The following VPS37A variants were observed in gnomAD, a reference collection of about 807,000 sequenced individuals.
VPS37A encodes VPS37A subunit of ESCRT-I, also known as vacuolar protein sorting-associated protein 37A.
A neutral mutation model predicts 49.8 loss-of-function variants in VPS37A; 30 were observed. The ratio of observed to expected loss-of-function variants is 0.60; its 90% confidence interval spans 0.45 to 0.82. VPS37A has a LOEUF of 0.82. Among genes scored for constraint, VPS37A ranks in the 40% least tolerant of loss-of-function variants. VPS37A has a pLI of 0.00. For missense variants in VPS37A, 593 were observed against 464.4 expected, an observed-to-expected ratio of 1.28 and a Z score of -2.55; for synonymous variants, 195 against 160.6, an observed-to-expected ratio of 1.21 and a Z score of -1.62.
chr8:17,264,072 A>G lies in VPS37A; in HGVS notation c.126-1835A>G, dbSNP rs186326132. Among the ~76,000 whole-genome samples, 651 of 152,314 alleles carry G rather than the reference A, an allele frequency of 4.3e-3. 20 individuals are homozygous for G. Among genetic ancestry groups the G allele is most frequent in the Admixed American group, 0.04 (607 of 15,298 alleles). ...CCTGGTACTGTGTTGGGGGATTTAC[A>G]TGCATTATTTTGCGTAATCTAACAA... On this transcript the variant is annotated intron_variant, in intron 1 of 11. Transcript: ENST00000324849.
chr8:17,297,893 T>G lies in VPS37A; in HGVS notation c.*2907T>G, dbSNP rs928931749. 4.6e-5 allele frequency: 7 copies of G among 152,042 alleles called. No individual in the cohort carries two copies. Among genetic ancestry groups the G allele is most frequent in the African/African-American group, 1.2e-4 (5 of 41,442 alleles). The allele number at this position is 152,042 out of a possible 1,614,324, so 9.4% of individuals were successfully genotyped here. On this transcript the variant is annotated 3_prime_UTR_variant, in exon 12 of 12. Transcript: ENST00000324849. ...GTTACATAAATTATAATGTCTGTCT[T>G]GTAAAAAAGTTGAGGGGACTAAAAG...
At chr8:17,318,852 G>T in the VPS37A span, among the ~76,000 whole-genome samples, 9 of 152,296 alleles carry the variant, frequency 5.9e-5, no homozygotes, top group African/African-American at 2.2e-4. Context: ...AGCCCCTGCT[G>T]CAGGCCTTCA....
the VPS37A span, chr8:17,331,383 T>C: frequency 7.8e-7 from 1 of 1,279,220 alleles, no homozygotes; most frequent in Non-Finnish European, 1.1e-6. Flanking sequence ...GCATTCAGAA[T>C]GATGTACGGA....
intron 10 of VPS37A, 44 bp from the exon 11 acceptor site, chr8:17,286,303 A>G (rs1363422226): frequency 6.5e-7 from 1 of 1,527,228 alleles, no homozygotes; most frequent in South Asian, 1.2e-5. Flanking sequence ...TAGTAGGCAT[A>G]TCTTTGTAAA....
downstream of VPS37A, among the ~76,000 whole-genome samples, chr8:17,307,310 GA>G (rs1429350735): frequency 1.6e-4 from 24 of 152,318 alleles, no homozygotes; most frequent in Admixed American, 3.3e-4. Flanking sequence ...GGCCATCAGA[GA>G]AATGCAAATC....
the VPS37A span, among the ~76,000 whole-genome samples, chr8:17,328,301 C>T: frequency 1.3e-5 from 2 of 152,142 alleles, no homozygotes; most frequent in East Asian, 1.9e-4. Context: ...TTTCCACCTT[C>T]CTCTTCACCA....
At chr8:17,265,808 A>T (rs749416403) in intron 1 of VPS37A, 99 bp from the exon 2 acceptor site, 1 of 1,590,368 alleles carries the variant, frequency 6.3e-7, no homozygotes, top group Non-Finnish European at 8.6e-7. Context: ...CTGTGATTAA[A>T]AATAAAGGTA....
chr8:17,286,287 G>C, intron 10 of VPS37A, 60 bp from the exon 11 acceptor site: 1 of 1,366,868 alleles, frequency 7.3e-7, no homozygotes, highest in African/African-American at 1.5e-5. Flanking sequence ...ACTGTTGGAA[G>C]TAAAGTAGTA....
intron 2 of VPS37A, among the ~76,000 whole-genome samples, chr8:17,267,606 GT>G (rs1813594722): frequency 6.6e-6 from 1 of 152,062 alleles, no homozygotes; most frequent in African/African-American, 2.4e-5. Flanking sequence ...CAGCTACATT[GT>G]TTCAATCCTC....
At chr8:17,264,444 C>G (rs1813261786) in intron 1 of VPS37A, among the ~76,000 whole-genome samples, 1 of 152,310 alleles carries the variant, frequency 6.6e-6, no homozygotes. Context: ...AAAAACTGTT[C>G]AAGTCCTAAT....
chr8:17,288,817 C>CTAATTTA (rs1161714471), intron 11 of VPS37A, among the ~76,000 whole-genome samples: 3 of 152,312 alleles, frequency 2.0e-5, no homozygotes, highest in African/African-American at 7.2e-5. Context: ...AATGGTTGAA[C>CTAATTTA]TAATTTACAC....
downstream of VPS37A, chr8:17,299,998 T>C (rs1270091405): frequency 6.2e-7 from 1 of 1,614,008 alleles, no homozygotes; most frequent in Non-Finnish European, 8.5e-7. Flanking sequence ...GGCTGACAGA[T>C]CTGGATCTGA....
chr8:17,328,945 A>T, the VPS37A span, among the ~76,000 whole-genome samples: 1 of 152,224 alleles, frequency 6.6e-6, no homozygotes, highest in East Asian at 1.9e-4. Context: ...TCTATAGAGG[A>T]CCTACACAGG....
At chr8:17,249,945 G>C (rs532559573) in intron 1 of VPS37A, among the ~76,000 whole-genome samples, 2 of 152,304 alleles carry the variant, frequency 1.3e-5, no homozygotes, top group South Asian at 4.1e-4. Context: ...GTATGGTAAT[G>C]GTAATAGACA....
At chr8:17,255,510 A>G (rs202015296) in intron 1 of VPS37A, among the ~76,000 whole-genome samples, 54 of 138,268 alleles carry the variant, frequency 3.9e-4, no homozygotes, top group African/African-American at 1.2e-3. Flanking sequence ...GTGTGTGTGT[A>G]TGTGTATATA....
chr8:17,250,002 G>A (rs896681156), intron 1 of VPS37A, among the ~76,000 whole-genome samples: 3 of 152,152 alleles, frequency 2.0e-5, no homozygotes, highest in Non-Finnish European at 4.4e-5. Flanking sequence ...ATTTTTCTTG[G>A]CTTCTCTGTA....
intron 9 of VPS37A, among the ~76,000 whole-genome samples, chr8:17,283,557 C>G (rs1315465056): frequency 6.6e-6 from 1 of 152,070 alleles, no homozygotes; most frequent in Non-Finnish European, 1.5e-5. Context: ...CAACTTTTTT[C>G]CTTTGCCTGT....
chr8:17,310,356 A>G, the VPS37A span, among the ~76,000 whole-genome samples: 8 of 152,124 alleles, frequency 5.3e-5, no homozygotes, highest in East Asian at 1.9e-4. Flanking sequence ...AATATCCCCA[A>G]TGCTTTAAAG....
chr8:17,248,293 G>T (rs1175096305), intron 1 of VPS37A: 1 of 440,734 alleles, frequency 2.3e-6, no homozygotes, highest in Non-Finnish European at 4.5e-6. Flanking sequence ...CGGGGGTACG[G>T]CTCTCCTGTT....
Sources: gnomAD v4.1 joint callset for allele counts (sites outside exome capture counted in the v4.1 genomes callset) on GRCh38, gnomAD v4.1.1 for gene constraint, MANE v1.5 for transcripts, NCBI Gene and HGNC (gene_info 2026-07-23, HGNC 2026-07-21) for gene names.